The following ANKRD29 variants were observed in gnomAD, a reference collection of about 807,000 sequenced individuals.
ANKRD29 encodes the protein ankyrin repeat domain-containing protein 29.
Under a neutral mutation model 38.0 loss-of-function variants are expected in ANKRD29, and 32 were observed. The observed-to-expected ratio is 0.84, with a 90% CI of 0.64 to 1.13. ANKRD29 has a LOEUF of 1.13. ANKRD29 is among the 50% of genes most tolerant of loss of function. The pLI is 0.00. For missense variants in ANKRD29, 357 were observed against 377.9 expected, an observed-to-expected ratio of 0.94 and a Z score of 0.46; for synonymous variants, 135 against 152.4, an observed-to-expected ratio of 0.89 and a Z score of 0.84.
chr18:23,630,487 G>A (rs952289909), intron 5 of ANKRD29, among the ~76,000 whole-genome samples: 2 of 151,860 alleles, frequency 1.3e-5, no homozygotes, highest in Admixed American at 6.6e-5. Context: ...CAGGTGTGGT[G>A]CTGCATACCT....
At chr18:23,649,633 G>A (rs2060185898) in intron 1 of ANKRD29, 3 of 454,188 alleles carry the variant, frequency 6.6e-6, no homozygotes, top group Admixed American at 4.9e-5. Flanking sequence ...TCTCAAAAGA[G>A]TTTACCTGCC....
chr18:23,645,035 G>A (rs980180533), intron 3 of ANKRD29, among the ~76,000 whole-genome samples: 2 of 152,208 alleles, frequency 1.3e-5, no homozygotes, highest in African/African-American at 4.8e-5. Flanking sequence ...CTGGCTTGAT[G>A]AAAGTTTGGT....
chr18:23,649,417 C>T, intron 1 of ANKRD29: 1 of 700,866 alleles, frequency 1.4e-6, no homozygotes, highest in Non-Finnish European at 2.6e-6. Context: ...TGTTGATAAT[C>T]CAGCACTATT....
chr18:23,640,941 C>T (rs2060066028), intron 3 of ANKRD29, among the ~76,000 whole-genome samples: 1 of 152,126 alleles, frequency 6.6e-6, no homozygotes, highest in Non-Finnish European at 1.5e-5. Flanking sequence ...AAAACTTGTT[C>T]TTAAGGGCCT....
At position 23,617,815 on chromosome 18, in the gene ANKRD29, C is replaced by CT; in HGVS notation, c.639dup (p.Ala214SerfsTer11). 1 of 1,613,752 alleles carries CT rather than the reference C, an allele frequency of 6.2e-7. No individual in the cohort carries two copies. The highest frequency in any genetic ancestry group is 8.5e-7 in the Non-Finnish European group (1 of 1,179,758). On this transcript the variant is annotated frameshift_variant, in exon 8 of 10. Transcript: ENST00000592179. LOFTEE classifies it high-confidence loss of function. The stretch of plus-strand genomic sequence containing the variant: ...CCTTTGTTGGCTGCTTTCAATAATG[C>CT]TGTTGTGCCATCCTTAACAGAAAGA...
At chr18:23,654,645 C>CT (rs2060256097) in intron 1 of ANKRD29, among the ~76,000 whole-genome samples, 1 of 142,046 alleles carries the variant, frequency 7.0e-6, no homozygotes, top group Non-Finnish European at 1.5e-5. Context: ...AAAAAAAAGT[C>CT]TGATAGTCTG....
chr18:23,647,989 C>G, intron 2 of ANKRD29: 1 of 152,578 alleles, frequency 6.6e-6, no homozygotes, highest in Non-Finnish European at 1.5e-5. Context: ...CAGTGGGGGT[C>G]CATGACCAGC....
At chr18:23,622,272 G>A (rs2059806110) in intron 6 of ANKRD29, among the ~76,000 whole-genome samples, 1 of 152,140 alleles carries the variant, frequency 6.6e-6, no homozygotes, top group Non-Finnish European at 1.5e-5. Context: ...CATGCAGGGT[G>A]GGAAATCTAG....
rs1002805019 is a variant in ANKRD29, at chr18:23,640,962, G to A, written c.232-2015C>T. On this transcript the variant is annotated intron_variant, in intron 3 of 9. Coordinates refer to ENST00000592179, the MANE Select transcript of ANKRD29 (RefSeq NM_173505.4). ...TGTTCTTAAGGGCCTGGGTGTCTCTGTGAATATGTACGTGTGTGCATGCAT... is the reference window on the plus strand; with the variant it reads ...TGTTCTTAAGGGCCTGGGTGTCTCTATGAATATGTACGTGTGTGCATGCAT... 6.6e-5 allele frequency among the ~76,000 whole-genome samples: 10 copies of A among 152,120 alleles called. No individual in the cohort carries two copies. The East Asian group carries it at 1.9e-3, about 29-fold the overall frequency.
In ANKRD29 at chr18:23,599,225, C is replaced by T. The variant is rs2145618914; in HGVS notation, c.*2001G>A. The T allele has an allele frequency of 6.6e-6, 1 of 152,266 alleles. No individual in the cohort carries two copies. Among genetic ancestry groups the T allele is most frequent in the Non-Finnish European group, 1.5e-5 (1 of 68,024 alleles). 9.4% of individuals were successfully genotyped at this position (152,266 alleles called of 1,614,324 possible). ...TAATCTCATCTAGATCAAATGTGATCCTTCTAAGCTAGACACCTCTTCCCT... is the reference window on the plus strand; with the variant it reads ...TAATCTCATCTAGATCAAATGTGATTCTTCTAAGCTAGACACCTCTTCCCT... On this transcript the variant is annotated 3_prime_UTR_variant, in exon 10 of 10. Transcript: ENST00000592179.
intron 6 of ANKRD29, among the ~76,000 whole-genome samples, chr18:23,621,582 T>G (rs551458368): frequency 6.6e-6 from 1 of 152,306 alleles, no homozygotes; most frequent in Non-Finnish European, 1.5e-5. Flanking sequence ...CATGAGCAAT[T>G]TGTACTTTAA....
intron 6 of ANKRD29, among the ~76,000 whole-genome samples, chr18:23,628,007 C>T (rs918963050): frequency 2.0e-5 from 3 of 152,150 alleles, no homozygotes; most frequent in African/African-American, 7.2e-5. Context: ...AAAAATATAA[C>T]CTTACATTGA....
At chr18:23,602,221 G>A (rs2059522468) in intron 9 of ANKRD29, among the ~76,000 whole-genome samples, 1 of 151,990 alleles carries the variant, frequency 6.6e-6, no homozygotes, top group African/African-American at 2.4e-5. Flanking sequence ...ATTTTTAGTA[G>A]AGATGGGGTT....
intron 6 of ANKRD29, among the ~76,000 whole-genome samples, chr18:23,624,175 A>G (rs2059830612): frequency 1.3e-5 from 2 of 151,772 alleles, no homozygotes; most frequent in African/African-American, 4.8e-5. Flanking sequence ...CTTTTTTTAA[A>G]AAGGTAATGG....
intron 8 of ANKRD29, among the ~76,000 whole-genome samples, chr18:23,613,237 A>G (rs1198237097): frequency 6.7e-6 from 1 of 148,652 alleles, no homozygotes; most frequent in Admixed American, 6.8e-5. Context: ...CAATGGCGCA[A>G]TCTCAGTTCA....
intron 2 of ANKRD29, chr18:23,647,802 A>G (rs2060159336): frequency 6.6e-6 from 1 of 152,328 alleles, no homozygotes; most frequent in South Asian, 2.1e-4. Context: ...AACCCAAATA[A>G]GACCAAGATG....
rs1397899842 is a variant in ANKRD29, at chr18:23,662,727, A to C, written c.4T>G (p.Cys2Gly). 4.8e-6 allele frequency: 7 copies of C among 1,468,988 alleles called. No individual in the cohort carries two copies. In the Admixed American group the frequency reaches 1.6e-4, roughly 35 times the overall value. The allele number at this position is 1,468,988 out of a possible 1,614,324, so 91.0% of individuals were successfully genotyped here. Reference sequence around the variant, plus strand: ...TCGCTCACCTTGAAGGACATCCTGCACATGTCCGCGGCCGCCCGAGCGGGA... The same window carrying C: ...TCGCTCACCTTGAAGGACATCCTGCCCATGTCCGCGGCCGCCCGAGCGGGA... Reference protein sequence around the residue: MCRMSFKKETPL... With the variant: MGRMSFKKETPL... The change falls in exon 1 of 10, where the codon TGC (cysteine) becomes GGC (glycine). Residue 2 changes from cysteine to glycine, a missense_variant. By Grantham distance (159) the Cys-to-Gly change is radical. Coordinates refer to ENST00000592179, the MANE Select transcript of ANKRD29 (RefSeq NM_173505.4).
chr18:23,613,765 AT>A (rs1186693823), intron 8 of ANKRD29, among the ~76,000 whole-genome samples: 1 of 151,632 alleles, frequency 6.6e-6, no homozygotes, highest in Non-Finnish European at 1.5e-5. Flanking sequence ...CACCCGGCTA[AT>A]TTTTTGTATT....
At chr18:23,633,887 T>TA (rs71163625) in intron 5 of ANKRD29, among the ~76,000 whole-genome samples, 164 bp downstream of exon 5, 84,053 of 151,758 alleles carry the variant, frequency 0.55, 25,265 homozygotes, top group Admixed American at 0.69. Context: ...GGTTTCTATA[T>TA]AAAAAAAGCC....
Sources: allele counts gnomAD v4.1 joint callset (sites outside exome capture counted in the v4.1 genomes callset), GRCh38; gene constraint gnomAD v4.1.1; transcripts MANE v1.5; gene names NCBI Gene and HGNC (gene_info 2026-07-23, HGNC 2026-07-21).